The following ST8SIA5 variants were observed in gnomAD, a reference collection of about 807,000 sequenced individuals.
The protein encoded by ST8SIA5 is alpha-2,8-sialyltransferase 8E.
In ST8SIA5, 24 loss-of-function variants were observed where a neutral mutation model predicts 40.2. The observed-to-expected ratio is 0.60, with a 90% CI of 0.43 to 0.84. The LOEUF (loss-of-function observed/expected upper bound fraction) is 0.84, where lower values mean the gene tolerates loss of function less well. Ranked by LOEUF, ST8SIA5 falls within the 40% of genes least tolerant of loss-of-function variation. The pLI is 0.00. For missense variants in ST8SIA5, 465 were observed against 498.5 expected (o/e 0.93, Z 0.64); for synonymous variants, 198 against 201.8 (o/e 0.98, Z 0.16).
chr18:46,723,518 C>T (rs887436711), intron 1 of ST8SIA5, among the ~76,000 whole-genome samples: 13 of 152,122 alleles, frequency 8.5e-5, no homozygotes, highest in Non-Finnish European at 1.5e-4. Flanking sequence ...CACTACTGCA[C>T]TCTAGCCTGA....
intron 2 of ST8SIA5, among the ~76,000 whole-genome samples, chr18:46,702,378 C>A (rs2039626971): frequency 6.6e-6 from 1 of 152,186 alleles, no homozygotes; most frequent in Non-Finnish European, 1.5e-5. Flanking sequence ...AGCTCACATG[C>A]CCCAGGCCCT....
chr18:46,671,725 G>C lies in ST8SIA5; in HGVS notation c.*8317C>G, dbSNP rs1330743999. 6.6e-6 allele frequency: 1 copy of C among 152,190 alleles called. No homozygotes were observed. Among genetic ancestry groups the C allele is most frequent in the East Asian group, 1.9e-4 (1 of 5,196 alleles). The allele number at this position is 152,190 out of a possible 1,614,324, so 9.4% of individuals were successfully genotyped here. On this transcript the variant is annotated 3_prime_UTR_variant, in exon 7 of 7. Coordinates refer to ENST00000315087, the MANE Select transcript of ST8SIA5 (RefSeq NM_013305.6). Reference sequence around the variant, plus strand: ...CGGGAGAAGAAATCTATGTTACTTTGCTTTAAAAATATGTCATAATATTTA... The same window carrying C: ...CGGGAGAAGAAATCTATGTTACTTTCCTTTAAAAATATGTCATAATATTTA...
At chr18:46,681,137 A>T (rs954688318) in intron 6 of ST8SIA5, among the ~76,000 whole-genome samples, 5 of 144,584 alleles carry the variant, frequency 3.5e-5, no homozygotes, top group Admixed American at 6.9e-5. Flanking sequence ...ACACTTGCCT[A>T]TTTTTTTTTT....
At chr18:46,714,249 C>T (rs1433624520) in intron 1 of ST8SIA5, among the ~76,000 whole-genome samples, 3 of 152,162 alleles carry the variant, frequency 2.0e-5, no homozygotes, top group Non-Finnish European at 4.4e-5. Flanking sequence ...CTGGAAGAGC[C>T]TCCAGCTGCC....
intron 1 of ST8SIA5, among the ~76,000 whole-genome samples, chr18:46,745,016 A>G (rs1338226056): frequency 1.3e-5 from 2 of 152,242 alleles, no homozygotes; most frequent in African/African-American, 2.4e-5. Flanking sequence ...TTTGAAACCA[A>G]TGAGAACAAA....
rs1376883770 is a variant in ST8SIA5 at position 46,680,061 on chromosome 18, C to A, written c.1112G>T (p.Gly371Val). 2 of 1,607,280 alleles carry A rather than the reference C, an allele frequency of 1.2e-6. No individual in the cohort carries two copies. Among genetic ancestry groups the A allele is most frequent in the Non-Finnish European group, 1.7e-6 (2 of 1,175,466 alleles). The change falls in exon 7 of 7, where the codon GGC becomes GTC. Residue 371 changes from glycine (G) to valine (V), a missense_variant. By Grantham distance (109) the Gly-to-Val change is moderately radical (BLOSUM62 -3). Coordinates refer to ENST00000315087, the MANE Select transcript of ST8SIA5 (RefSeq NM_013305.6). Reference sequence around the variant, plus strand: ...CAGCCATCAGCAGCAGCTGCAGGTGCCCGTGTGCACGCGGAGGATGCCTCG... The same window carrying A: ...CAGCCATCAGCAGCAGCTGCAGGTGACCGTGTGCACGCGGAGGATGCCTCG... ...HSRGILRVHT[G>V]TCSCC
intron 3 of ST8SIA5, among the ~76,000 whole-genome samples, chr18:46,690,594 G>A (rs1330707556): frequency 6.7e-6 from 1 of 149,088 alleles, no homozygotes; most frequent in African/African-American, 2.5e-5. Context: ...CCTGAGATAT[G>A]TGAGTCCTGC....
chr18:46,721,616 G>A, intron 1 of ST8SIA5: 1 of 680,200 alleles, frequency 1.5e-6, no homozygotes, highest in Admixed American at 2.2e-5. Context: ...CTCCAACCAT[G>A]AGGATGGTGA....
At chr18:46,736,450 C>T (rs2040035534) in intron 1 of ST8SIA5, among the ~76,000 whole-genome samples, 1 of 152,198 alleles carries the variant, frequency 6.6e-6, no homozygotes, top group South Asian at 2.1e-4. Context: ...GGGATATTGG[C>T]TCTGCAGGCA....
chr18:46,718,556 A>G (rs2039818202), intron 1 of ST8SIA5, among the ~76,000 whole-genome samples: 1 of 151,876 alleles, frequency 6.6e-6, no homozygotes, highest in African/African-American at 2.4e-5. Flanking sequence ...TCTGGCTTGA[A>G]TTTGCTTTGT....
rs2144496125 is a variant in ST8SIA5 at position 46,701,328 on chromosome 18, A to G, written c.224+3244T>C. On this transcript the variant is annotated intron_variant, in intron 2 of 6. Coordinates refer to ENST00000315087, the MANE Select transcript of ST8SIA5 (RefSeq NM_013305.6). ...GCTAATTTTTGTATTTTTAGTAGAGACAGGGTTTCACCATGTTGGCCAGGC... is the reference window on the plus strand; with the variant it reads ...GCTAATTTTTGTATTTTTAGTAGAGGCAGGGTTTCACCATGTTGGCCAGGC... Among the ~76,000 whole-genome samples the G allele has an allele frequency of 1.3e-5, 2 of 151,732 alleles. 1 individual carries two copies. The highest frequency in any genetic ancestry group is 2.9e-5 in the Non-Finnish European group (2 of 67,908).
intron 1 of ST8SIA5, among the ~76,000 whole-genome samples, chr18:46,722,696 T>C (rs1244473100): frequency 6.6e-6 from 1 of 152,206 alleles, no homozygotes; most frequent in Non-Finnish European, 1.5e-5. Flanking sequence ...TACCACCAGA[T>C]GCCAGCAGCA....
At chr18:46,695,384 T>C (rs2039548337) in intron 2 of ST8SIA5, among the ~76,000 whole-genome samples, 1 of 152,162 alleles carries the variant, frequency 6.6e-6, no homozygotes, top group African/African-American at 2.4e-5. Flanking sequence ...GACCTAAGTC[T>C]TAGTTCAGAT....
At chr18:46,756,282 C>A in intron 1 of ST8SIA5, 96 bp downstream of exon 1, 3 of 1,534,278 alleles carry the variant, frequency 2.0e-6, no homozygotes, top group Middle Eastern at 1.8e-4. Flanking sequence ...CGGCCACTCA[C>A]CCCGGGGCGC....
At chr18:46,729,976 T>C (rs2039970820) in intron 1 of ST8SIA5, among the ~76,000 whole-genome samples, 1 of 152,092 alleles carries the variant, frequency 6.6e-6, no homozygotes, top group South Asian at 2.1e-4. Context: ...CCAGAAATTG[T>C]TAGTTCTCAG....
intron 1 of ST8SIA5, among the ~76,000 whole-genome samples, chr18:46,744,278 TAA>T (rs1297529399): frequency 1.3e-5 from 2 of 152,160 alleles, no homozygotes; most frequent in East Asian, 1.9e-4. Context: ...GCAATTTGGA[TAA>T]AGAGTCAAGA....
At chr18:46,712,879 G>A (rs147160369) in intron 1 of ST8SIA5, among the ~76,000 whole-genome samples, 1 of 152,274 alleles carries the variant, frequency 6.6e-6, no homozygotes, top group Non-Finnish European at 1.5e-5. Flanking sequence ...GATAGTGGGT[G>A]GCCTAGGAAG....
chr18:46,739,357 C>T (rs897720830), intron 1 of ST8SIA5, among the ~76,000 whole-genome samples: 6 of 152,106 alleles, frequency 3.9e-5, no homozygotes, highest in African/African-American at 1.4e-4. Context: ...GCCTGGCCAA[C>T]ATAGCGAAAC....
At chr18:46,699,129 C>T (rs574833568) in intron 2 of ST8SIA5, among the ~76,000 whole-genome samples, 13 of 152,246 alleles carry the variant, frequency 8.5e-5, no homozygotes, top group Admixed American at 4.6e-4. Context: ...TAAAAGTCAA[C>T]GCATGGATGA....
Sources: allele counts gnomAD v4.1 joint callset (sites outside exome capture counted in the v4.1 genomes callset), GRCh38; gene constraint gnomAD v4.1.1; transcripts MANE v1.5; gene names NCBI Gene and HGNC (gene_info 2026-07-23, HGNC 2026-07-21).